The following ADAMTS12 variants were observed in gnomAD, a reference collection of about 807,000 sequenced individuals.
ADAMTS12 encodes ADAM metallopeptidase with thrombospondin type 1 motif 12.
ADAMTS12 carries 118 observed loss-of-function variants against 167.8 expected under a neutral mutation model. That is an observed-to-expected ratio of 0.70 (90% CI 0.61 to 0.82). The LOEUF (loss-of-function observed/expected upper bound fraction) is 0.82. Among genes scored for constraint, ADAMTS12 ranks in the 40% least tolerant of loss-of-function variants. The pLI is 0.00. For synonymous variants in ADAMTS12, 704 were observed against 716.9 expected, an observed-to-expected ratio of 0.98 and a Z score of 0.29; for missense variants, 1,916 against 1,998.8, an observed-to-expected ratio of 0.96 and a Z score of 0.79.
intron 2 of ADAMTS12, among the ~76,000 whole-genome samples, chr5:33,766,305 T>C (rs1426055753): frequency 2.0e-5 from 3 of 152,198 alleles, no homozygotes; most frequent in African/African-American, 7.2e-5. Context: ...TGCTGTGTTC[T>C]TCTCCAAAAT....
In ADAMTS12 at chr5:33,648,968, TGAAAACAAGTTAACA is replaced by T; in HGVS notation, c.1335-17_1335-3del. On this transcript the variant is annotated splice_region_variant and splice_polypyrimidine_tract_variant and intron_variant, in intron 8 of 23. Transcript: ENST00000504830. ...TCAAGACAGAACCCCCAGCCTCGGC[TGAAAACAAGTTAACA>T]GAAATGAGAGGAGTTGTTTAGGATT... 6.2e-7 allele frequency: 1 copy of T among 1,613,434 alleles called. No homozygotes were observed. Among genetic ancestry groups the T allele is most frequent in the Non-Finnish European group, 8.5e-7 (1 of 1,179,642 alleles).
intron 5 of ADAMTS12, among the ~76,000 whole-genome samples, chr5:33,669,384 C>T (rs866133450): frequency 4.6e-5 from 7 of 152,230 alleles, no homozygotes; most frequent in Admixed American, 6.5e-5. Flanking sequence ...GAAGCTCTTA[C>T]CCAAACCATA....
At chr5:33,626,303 C>T (rs555996184) in intron 13 of ADAMTS12, among the ~76,000 whole-genome samples, 60 of 136,428 alleles carry the variant, frequency 4.4e-4, no homozygotes, top group Middle Eastern at 9.1e-3. Flanking sequence ...GATGGTGCTG[C>T]GGGGTAATGG....
At chr5:33,715,804 A>G (rs913078032) in intron 3 of ADAMTS12, among the ~76,000 whole-genome samples, 2 of 152,152 alleles carry the variant, frequency 1.3e-5, no homozygotes, top group Admixed American at 1.3e-4. Flanking sequence ...AAAATTAACC[A>G]AAACATGGGA....
intron 13 of ADAMTS12, among the ~76,000 whole-genome samples, chr5:33,629,344 T>C (rs1220395609): frequency 6.6e-6 from 1 of 151,104 alleles, no homozygotes; most frequent in East Asian, 1.9e-4. Flanking sequence ...GGGAATAATT[T>C]TGTCCAGTGG....
rs1028629438 is a variant in ADAMTS12 at position 33,610,878 on chromosome 5, C to T, written c.2527+3360G>A. ...GGTTGGGAGTTTGAGACCAGCCTGG[C>T]CAACATGGTGAAACCCTGTCTCTAC... On this transcript the variant is annotated intron_variant, in intron 16 of 23. Transcript: ENST00000504830. 2.0e-5 allele frequency among the ~76,000 whole-genome samples: 3 copies of T among 152,012 alleles called. No individual in the cohort carries two copies. In the South Asian group the frequency reaches 6.2e-4, roughly 32 times the overall value.
chr5:33,745,052 A>T (rs1472470302), intron 3 of ADAMTS12, among the ~76,000 whole-genome samples: 4 of 152,200 alleles, frequency 2.6e-5, no homozygotes, highest in Non-Finnish European at 5.9e-5. Flanking sequence ...TCCTGGGGTC[A>T]GGTGATCCTC....
At chr5:33,649,467 C>A in intron 8 of ADAMTS12, 87 bp downstream of exon 8, 2 of 1,496,048 alleles carry the variant, frequency 1.3e-6, no homozygotes, top group Non-Finnish European at 1.8e-6. Flanking sequence ...CAGCCTTTTC[C>A]AGGCATCAGC....
chr5:33,880,387 A>G (rs572649141), intron 2 of ADAMTS12, among the ~76,000 whole-genome samples: 26 of 152,252 alleles, frequency 1.7e-4, no homozygotes, highest in Non-Finnish European at 2.2e-4. Context: ...CTGAAAGACC[A>G]GACAGCAAAT....
At chr5:33,831,831 G>C (rs956930333) in intron 2 of ADAMTS12, among the ~76,000 whole-genome samples, 2 of 152,190 alleles carry the variant, frequency 1.3e-5, no homozygotes, top group African/African-American at 4.8e-5. Context: ...AAAGCTCCAG[G>C]TGGCAGAGAC....
At chr5:33,743,000 A>G (rs1256943303) in intron 3 of ADAMTS12, among the ~76,000 whole-genome samples, 1 of 152,242 alleles carries the variant, frequency 6.6e-6, no homozygotes, top group Non-Finnish European at 1.5e-5. Context: ...ACGGAGGAAA[A>G]GCTATCTTAA....
chr5:33,656,533 T>C (rs190169286), intron 7 of ADAMTS12, among the ~76,000 whole-genome samples: 1 of 152,186 alleles, frequency 6.6e-6, no homozygotes, highest in African/African-American at 2.4e-5. Context: ...AACTTGAGGA[T>C]AGAAAGAATC....
In ADAMTS12 at chr5:33,657,938, T is replaced by G. The variant is rs1579807005; in HGVS notation, c.1190+246A>C. On this transcript the variant is annotated intron_variant, in intron 7 of 23. Transcript: ENST00000504830. ...TCCATTCTAATCCAGAGAACTGGAG[T>G]GGCCTATTTGGTTCTGTGATATGTG... Among the ~76,000 whole-genome samples, 3 of 152,000 alleles carry G rather than the reference T, an allele frequency of 2.0e-5. No individual in the cohort carries two copies. In the East Asian group the frequency reaches 5.8e-4, roughly 29 times the overall value.
chr5:33,589,050 A>T (rs542380690), intron 17 of ADAMTS12, among the ~76,000 whole-genome samples: 2 of 152,338 alleles, frequency 1.3e-5, no homozygotes, highest in South Asian at 2.1e-4. Context: ...ATGAGAAAAA[A>T]ATATATATGC....
intron 12 of ADAMTS12, 22 bp from the exon 13 acceptor site, chr5:33,630,935 A>G: frequency 6.2e-7 from 1 of 1,606,154 alleles, no homozygotes; most frequent in Non-Finnish European, 8.5e-7. Context: ...AAAGAAGGCA[A>G]AGCCTTGCAA....
At chr5:33,853,532 G>A (rs1384206199) in intron 2 of ADAMTS12, among the ~76,000 whole-genome samples, 2 of 152,154 alleles carry the variant, frequency 1.3e-5, no homozygotes, top group Non-Finnish European at 2.9e-5. Flanking sequence ...GGTACATTTG[G>A]CCAAATGACC....
intron 2 of ADAMTS12, among the ~76,000 whole-genome samples, chr5:33,794,181 C>G (rs892482634): frequency 3.3e-5 from 5 of 152,230 alleles, no homozygotes; most frequent in African/African-American, 1.2e-4. Flanking sequence ...CTCCCGCAAA[C>G]AGACCTTCAG....
At chr5:33,634,427 C>T (rs548130379) in intron 12 of ADAMTS12, among the ~76,000 whole-genome samples, 48 of 152,236 alleles carry the variant, frequency 3.2e-4, no homozygotes, top group Non-Finnish European at 5.6e-4. Flanking sequence ...CTGTGGTGTG[C>T]ACCCCTGCCA....
In ADAMTS12 at chr5:33,683,993, G is replaced by A; in HGVS notation, c.697C>T (p.Pro233Ser). ...GAACGCCGAGAGAGGCTTCTGCTTGGCAAGTTGTGCCTCTCCCACTTCTCC... is the reference window on the plus strand; with the variant it reads ...GAACGCCGAGAGAGGCTTCTGCTTGACAAGTTGTGCCTCTCCCACTTCTCC... ...WREKWERHNL[P>S]SRSLSRRSIS... Residue 233 changes from proline to serine, a missense_variant, in exon 4 of 24, where the codon CCA (proline) becomes TCA (serine). Pro to Ser is a moderately conservative substitution (Grantham distance 74, BLOSUM62 -1). Coordinates refer to ENST00000504830, the MANE Select transcript of ADAMTS12 (RefSeq NM_030955.4). The A allele has an allele frequency of 6.2e-7, 1 of 1,610,566 alleles. No individual in the cohort carries two copies. Among genetic ancestry groups the A allele is most frequent in the Non-Finnish European group, 8.5e-7 (1 of 1,178,480 alleles).
Sources: allele counts gnomAD v4.1 joint callset (sites outside exome capture counted in the v4.1 genomes callset), GRCh38; gene constraint gnomAD v4.1.1; transcripts MANE v1.5; gene names NCBI Gene and HGNC (gene_info 2026-07-23, HGNC 2026-07-21).